The following CFAP61 variants were observed in gnomAD, a reference collection of about 807,000 sequenced individuals.
CFAP61 encodes cilia and flagella associated protein 61, also known as cilia- and flagella-associated protein 61.
A neutral mutation model predicts 135.6 loss-of-function variants in CFAP61; 107 were observed. That is an observed-to-expected ratio of 0.79 (90% confidence interval 0.67 to 0.93). The LOEUF (loss-of-function observed/expected upper bound fraction) is 0.93. CFAP61 is among the 40% of genes least tolerant of loss of function. The pLI is 0.00. For synonymous variants in CFAP61, 575 were observed against 578.5 expected (o/e 0.99, Z 0.09); for missense variants, 1,507 against 1,556.2 (o/e 0.97, Z 0.53).
chr20:20,270,799 AG>A (rs896866835), intron 21 of CFAP61, among the ~76,000 whole-genome samples: 1 of 151,724 alleles, frequency 6.6e-6, no homozygotes, highest in Admixed American at 6.6e-5. Context: ...CCTCCCGAGT[AG>A]CTGGGACTAC....
intron 6 of CFAP61, among the ~76,000 whole-genome samples, chr20:20,078,751 G>A (rs1482763658): frequency 6.6e-6 from 1 of 152,138 alleles, no homozygotes; most frequent in Non-Finnish European, 1.5e-5. Flanking sequence ...GACTCATAAA[G>A]TGGCAAAAGA....
chr20:20,241,355 T>C (rs2050002590), intron 18 of CFAP61, among the ~76,000 whole-genome samples: 1 of 152,178 alleles, frequency 6.6e-6, no homozygotes, highest in Admixed American at 6.5e-5. Context: ...ATGAAGAATG[T>C]AAAAAGATTT....
chr20:20,120,430 T>C (rs1226311581), intron 8 of CFAP61, among the ~76,000 whole-genome samples: 10 of 152,192 alleles, frequency 6.6e-5, no homozygotes, highest in Non-Finnish European at 1.2e-4. Flanking sequence ...GTTTTGTGTA[T>C]TTTTTGAGGT....
chr20:20,076,834 C>G (rs1057340670), intron 6 of CFAP61, among the ~76,000 whole-genome samples: 5 of 152,238 alleles, frequency 3.3e-5, no homozygotes, highest in African/African-American at 9.6e-5. Flanking sequence ...TCTTGGCTCT[C>G]CTGCTCACGA....
intron 9 of CFAP61, among the ~76,000 whole-genome samples, chr20:20,147,553 C>A (rs978087780): frequency 1.3e-5 from 2 of 152,108 alleles, no homozygotes; most frequent in Non-Finnish European, 1.5e-5. Context: ...TGAAAAATAT[C>A]TATTCATGCC....
chr20:20,118,606 G>T (rs2049365891), intron 8 of CFAP61, among the ~76,000 whole-genome samples: 1 of 152,074 alleles, frequency 6.6e-6, no homozygotes, highest in African/African-American at 2.4e-5. Context: ...TTCCCAAAGT[G>T]CTGGGATTAC....
intron 1 of CFAP61, chr20:20,052,896 G>A (rs1417232652): frequency 3.2e-6 from 2 of 628,100 alleles, no homozygotes; most frequent in Admixed American, 3.1e-5. Context: ...CCTCGTTTCT[G>A]GTTTCGGGAC....
chr20:20,219,327 C>A (rs1001004961), intron 17 of CFAP61, among the ~76,000 whole-genome samples: 10 of 152,090 alleles, frequency 6.6e-5, no homozygotes, highest in African/African-American at 2.4e-4. Context: ...GATTTTATCC[C>A]AAAATTTTTT....
At chr20:20,180,410 G>GA (rs1601219466) in intron 13 of CFAP61, among the ~76,000 whole-genome samples, 1 of 151,348 alleles carries the variant, frequency 6.6e-6, no homozygotes, top group East Asian at 1.9e-4. Flanking sequence ...ACAATCATAA[G>GA]AAAAAAAGCT....
intron 9 of CFAP61, among the ~76,000 whole-genome samples, chr20:20,152,830 CA>C (rs959255313): frequency 4.6e-5 from 7 of 151,672 alleles, no homozygotes; most frequent in South Asian, 4.2e-4. Flanking sequence ...AGAAAGTCAA[CA>C]AAAAAAATGC....
intron 13 of CFAP61, among the ~76,000 whole-genome samples, chr20:20,181,214 C>CATATACACATATATATATGCATAT (rs71939376): frequency 6.9e-6 from 1 of 144,972 alleles, no homozygotes; most frequent in East Asian, 2.0e-4. Flanking sequence ...TGTATATATA[C>CATATACACATATATATATGCATAT]ATATGTGTAT....
rs550752015 is a variant in CFAP61, at chr20:20,140,259, T to C, written c.860-2598T>C. On this transcript the variant is annotated intron_variant, in intron 8 of 26. Coordinates refer to ENST00000245957, the MANE Select transcript of CFAP61 (RefSeq NM_015585.4). ...GCACAATGTGCAGGTTTGTTACATA[T>C]GTATACATATGCCATGCTGGTGTGC... is the stretch of plus-strand genomic sequence containing the variant. Among the ~76,000 whole-genome samples, 13 of 151,564 alleles carry C rather than the reference T, an allele frequency of 8.6e-5. No homozygotes were observed. The South Asian group carries it at 2.7e-3, about 32-fold the overall frequency.
At chr20:20,285,280 G>GTTTT (rs74180987) in intron 22 of CFAP61, among the ~76,000 whole-genome samples, 1 of 143,556 alleles carries the variant, frequency 7.0e-6, no homozygotes, top group African/African-American at 2.6e-5. Flanking sequence ...AGCATGGTTT[G>GTTTT]TTTTTTTTGT....
intron 25 of CFAP61, among the ~76,000 whole-genome samples, chr20:20,305,093 C>T (rs1253969777): frequency 2.0e-5 from 3 of 152,212 alleles, no homozygotes; most frequent in Non-Finnish European, 4.4e-5. Flanking sequence ...TGCCCTCAGA[C>T]AGCCCGGCCC....
intron 13 of CFAP61, among the ~76,000 whole-genome samples, chr20:20,180,963 C>G (rs773882493): frequency 1.2e-4 from 18 of 151,944 alleles, no homozygotes; most frequent in Non-Finnish European, 2.1e-4. Context: ...TATGAGAACA[C>G]ATGGACACAT....
At chr20:20,074,665 G>A (rs1023031600) in intron 4 of CFAP61, among the ~76,000 whole-genome samples, 23 of 152,182 alleles carry the variant, frequency 1.5e-4, no homozygotes, top group African/African-American at 5.5e-4. Context: ...AGTGTCGCAA[G>A]CTTGGACATT....
intron 8 of CFAP61, among the ~76,000 whole-genome samples, chr20:20,110,121 T>A (rs540579029): frequency 6.6e-6 from 1 of 152,100 alleles, no homozygotes; most frequent in Non-Finnish European, 1.5e-5. Context: ...TTGGCCAGGC[T>A]GGTCTCGAAC....
intron 25 of CFAP61, among the ~76,000 whole-genome samples, chr20:20,328,407 C>T (rs1278064663): frequency 6.6e-6 from 1 of 152,142 alleles, no homozygotes; most frequent in Non-Finnish European, 1.5e-5. Context: ...GCTTACTTGA[C>T]TCTCAAACTT....
intron 7 of CFAP61, among the ~76,000 whole-genome samples, chr20:20,095,304 G>A (rs1177199044): frequency 1.3e-5 from 2 of 152,076 alleles, no homozygotes; most frequent in East Asian, 1.9e-4. Flanking sequence ...CTTTTCCCCC[G>A]CAAATGCTGA....
Sources: gnomAD v4.1 joint callset for allele counts (sites outside exome capture counted in the v4.1 genomes callset) on GRCh38, gnomAD v4.1.1 for gene constraint, MANE v1.5 for transcripts, NCBI Gene and HGNC (gene_info 2026-07-23, HGNC 2026-07-21) for gene names.